Variants in BTBD3 observed in about 807,000 individuals in gnomAD.
The protein encoded by BTBD3 is BTB/POZ domain-containing protein 3.
In BTBD3, 14 loss-of-function variants were observed where a neutral mutation model predicts 41.6. The ratio of observed to expected loss-of-function variants is 0.34; its 90% CI spans 0.22 to 0.53. The LOEUF (loss-of-function observed/expected upper bound fraction) is 0.53. BTBD3 is among the 20% of genes least tolerant of loss of function. The pLI is 0.95. For missense variants in BTBD3, 426 were observed against 654.7 expected (o/e 0.65, Z 3.81); for synonymous variants, 249 against 233.7 (o/e 1.07, Z -0.60).
intron 1 of BTBD3, among the ~76,000 whole-genome samples, chr20:11,907,063 C>G (rs546302562): frequency 1.3e-5 from 2 of 152,108 alleles, no homozygotes; most frequent in Non-Finnish European, 2.9e-5. Flanking sequence ...TATGCCAGGC[C>G]ATGAGTTGAG....
Position 11,900,684 on chromosome 20 carries a change from C to T in BTBD3, c.-126+9730C>T, listed in dbSNP as rs907875024. On this transcript the variant is annotated intron_variant, in intron 1 of 4. Coordinates refer to the BTBD3 transcript ENST00000254977. ...GTTCATGGAGAATGTAGCAAAAAGT[C>T]AAATATAATAAAGTCCACCTACTTT... Among the ~76,000 whole-genome samples the T allele has an allele frequency of 3.4e-5, 5 of 148,196 alleles. No homozygotes were observed. In the Admixed American group the frequency reaches 3.4e-4, roughly 10 times the overall value.
At chr20:11,922,099 A>G (rs531689862) in intron 3 of BTBD3, among the ~76,000 whole-genome samples, 2 of 152,238 alleles carry the variant, frequency 1.3e-5, no homozygotes, top group African/African-American at 4.8e-5. Flanking sequence ...GTTGGATTCT[A>G]TGTAAAGTTA....
intron 1 of BTBD3, among the ~76,000 whole-genome samples, chr20:11,903,166 AG>A (rs2056833720): frequency 6.6e-6 from 1 of 152,200 alleles, no homozygotes; most frequent in African/African-American, 2.4e-5. Context: ...GTATATAGGA[AG>A]ATTTCGATAT....
chr20:11,892,409 G>A (rs527499048), intron 1 of BTBD3: 5 of 152,174 alleles, frequency 3.3e-5, no homozygotes, highest in Non-Finnish European at 7.3e-5. Context: ...GCTTTAAAGG[G>A]TTACTGCGGG....
upstream of BTBD3, among the ~76,000 whole-genome samples, chr20:11,917,127 G>C (rs1340504354): frequency 1.3e-5 from 2 of 152,166 alleles, no homozygotes; most frequent in African/African-American, 4.8e-5. Flanking sequence ...TAACAGTTAA[G>C]TTGAATTTTG....
At chr20:11,909,711 T>G (rs906147290) in intron 1 of BTBD3, 2 of 152,214 alleles carry the variant, frequency 1.3e-5, no homozygotes, top group African/African-American at 4.8e-5. Context: ...TCTGGATATG[T>G]GTATAGTGTT....
chr20:11,896,614 A>G (rs187734715), intron 1 of BTBD3, among the ~76,000 whole-genome samples: 89 of 152,346 alleles, frequency 5.8e-4, no homozygotes, highest in Non-Finnish European at 1.1e-3. Context: ...GTTTATCATA[A>G]TTCTTCATCA....
chr20:11,909,894 G>T (rs1159621204), intron 1 of BTBD3: 5 of 152,368 alleles, frequency 3.3e-5, no homozygotes, highest in African/African-American at 1.2e-4. Context: ...TAATTCAGGT[G>T]TTTGGTGTTG....
At chr20:11,892,209 T>C (rs1382184307) in intron 1 of BTBD3, among the ~76,000 whole-genome samples, 1 of 152,196 alleles carries the variant, frequency 6.6e-6, no homozygotes, top group African/African-American at 2.4e-5. Flanking sequence ...ACTCTAGCAC[T>C]CAAAACAATT....
intron 1 of BTBD3, among the ~76,000 whole-genome samples, chr20:11,903,577 G>C (rs1260567405): frequency 1.3e-5 from 2 of 152,054 alleles, no homozygotes; most frequent in Non-Finnish European, 2.9e-5. Flanking sequence ...CAGTGCCATT[G>C]AACAGATGGA....
intron 1 of BTBD3, among the ~76,000 whole-genome samples, chr20:11,897,451 GGTGTTAGCTC>G (rs1395358123): frequency 1.4e-5 from 2 of 147,610 alleles, no homozygotes; most frequent in Admixed American, 6.8e-5. Flanking sequence ...CAACCTAGTG[GGTGTTAGCTC>G]CATTTTTTTC....
At chr20:11,895,128 TTTA>T (rs1412425374) in intron 1 of BTBD3, among the ~76,000 whole-genome samples, 2 of 152,176 alleles carry the variant, frequency 1.3e-5, no homozygotes, top group Admixed American at 1.3e-4. Context: ...CTTTGTGGTC[TTTA>T]TTGTTTTTTA....
intron 1 of BTBD3, among the ~76,000 whole-genome samples, chr20:11,894,669 T>C (rs2122160866): frequency 6.6e-6 from 1 of 152,076 alleles, no homozygotes; most frequent in East Asian, 1.9e-4. Flanking sequence ...CAGGCCATTA[T>C]TTCTTTCACT....
intron 3 of BTBD3, among the ~76,000 whole-genome samples, chr20:11,922,257 T>C (rs1034982529): frequency 2.0e-4 from 31 of 152,356 alleles, no homozygotes; most frequent in African/African-American, 7.2e-4. Context: ...ATAACGAGAC[T>C]ATTCTTGGTT....
upstream of BTBD3, among the ~76,000 whole-genome samples, chr20:11,914,849 G>T (rs1233023445): frequency 6.6e-6 from 1 of 152,096 alleles, no homozygotes; most frequent in Non-Finnish European, 1.5e-5. Flanking sequence ...CTTTCCATTT[G>T]TATGCCTGTA....
Position 11,923,761 on chromosome 20 carries a change from G to A in BTBD3, c.*95G>A, listed in dbSNP as rs41280292. 1.7e-3 allele frequency: 2,066 copies of A among 1,224,236 alleles called. 7 individuals carry two copies. The highest frequency in any genetic ancestry group is 3.3e-3 in the Middle Eastern group (12 of 3,626). The allele number at this position is 1,224,236 out of a possible 1,614,324, so 75.8% of individuals were successfully genotyped here. A position where few individuals can be genotyped will look rare whatever the true frequency, so the allele number is the denominator to read the frequency against. ...CATCTGCAAATATGTGATCAGTGCC[G>A]GTAATTTGTAATGAATGAAGCGGTA... On this transcript the variant is annotated 3_prime_UTR_variant, in exon 4 of 4. Transcript: ENST00000378226. The surrounding 1 kb of genome is among the most constrained non-coding windows in gnomAD (Gnocchi z 5.3).
chr20:11,906,254 C>CTTTTTTTTTTTTTTTTTTTTTTTTTTTTT lies in BTBD3; in HGVS notation c.-125-12052_-125-12051insTTTTTTTTTTTTTTTTTTTTTTTTTTTTT. On this transcript the variant is annotated intron_variant, in intron 1 of 4. Transcript: ENST00000254977. ...CCATAATTTCCATTTATTATTACTCCTTTTTTTTTTTTTTTTTTTTTTTTT... is the reference window on the plus strand; with the variant it reads ...CCATAATTTCCATTTATTATTACTCCTTTTTTTTTTTTTTTTTTTTTTTTTTTTTTTTTTTTTTTTTTTTTTTTTTTTTT... Among the ~76,000 whole-genome samples the CTTTTTTTTTTTTTTTTTTTTTTTTTTTTT allele has an allele frequency of 1.4e-3, 50 of 36,226 alleles. 14 individuals carry two copies. Among genetic ancestry groups the CTTTTTTTTTTTTTTTTTTTTTTTTTTTTT allele is most frequent in the Non-Finnish European group, 1.8e-3 (38 of 20,566 alleles). 23.8% of individuals were successfully genotyped at this position (36,226 alleles called of 152,430 possible).
At chr20:11,911,302 G>A (rs1353415957) in intron 1 of BTBD3, among the ~76,000 whole-genome samples, 2 of 152,120 alleles carry the variant, frequency 1.3e-5, no homozygotes, top group Non-Finnish European at 2.9e-5. Context: ...TTTTAGTTGG[G>A]TATTGGTCAT....
intron 1 of BTBD3, among the ~76,000 whole-genome samples, chr20:11,898,154 T>G (rs1357031230): frequency 2.0e-5 from 3 of 152,058 alleles, no homozygotes; most frequent in Middle Eastern, 3.2e-3. Flanking sequence ...AGAGTGAGAT[T>G]CTGTCTACAA....
Sources: allele counts gnomAD v4.1 joint callset (sites outside exome capture counted in the v4.1 genomes callset), GRCh38; gene constraint gnomAD v4.1.1; non-coding constraint Gnocchi (gnomAD v3.1); transcripts MANE v1.5; gene names NCBI Gene and HGNC (gene_info 2026-07-23, HGNC 2026-07-21).